Variants in PACSIN2 observed in about 807,000 individuals in gnomAD.
PACSIN2 encodes the protein protein kinase C and casein kinase substrate in neurons protein 2.
PACSIN2 carries 25 observed loss-of-function variants against 63.8 expected under a neutral mutation model. The ratio of observed to expected loss-of-function variants is 0.39; its 90% CI spans 0.29 to 0.55. The LOEUF (loss-of-function observed/expected upper bound fraction) is 0.55, where lower values mean the gene tolerates loss of function less well. Ranked by LOEUF, PACSIN2 falls within the 20% of genes least tolerant of loss-of-function variation. The pLI, the probability that PACSIN2 is intolerant of heterozygous loss-of-function variation, is 0.62. For missense variants in PACSIN2, 518 were observed against 646.9 expected, an observed-to-expected ratio of 0.80 and a Z score of 2.16; for synonymous variants, 255 against 256.2, an observed-to-expected ratio of 1.00 and a Z score of 0.05.
At chr22:42,899,243 C>T (rs1930502281) in intron 2 of PACSIN2, among the ~76,000 whole-genome samples, 1 of 152,184 alleles carries the variant, frequency 6.6e-6, no homozygotes, top group Non-Finnish European at 1.5e-5. Context: ...AAAATGAACG[C>T]GAATACCTTT....
At chr22:42,991,208 T>G (rs1237837393) in intron 1 of PACSIN2, among the ~76,000 whole-genome samples, 1 of 152,166 alleles carries the variant, frequency 6.6e-6, no homozygotes, top group African/African-American at 2.4e-5. Flanking sequence ...AGAGCCACTT[T>G]GTGACTGAAG....
intron 1 of PACSIN2, among the ~76,000 whole-genome samples, chr22:42,923,362 G>C (rs1932319228): frequency 6.6e-6 from 1 of 152,156 alleles, no homozygotes; most frequent in Non-Finnish European, 1.5e-5. Context: ...GGTCCTCCTG[G>C]CCCGCAGGCC....
At chr22:42,915,161 C>A (rs1931729830) in intron 1 of PACSIN2, among the ~76,000 whole-genome samples, 1 of 152,206 alleles carries the variant, frequency 6.6e-6, no homozygotes, top group Non-Finnish European at 1.5e-5. Context: ...AGCCACCACA[C>A]CGGGCCTAAG....
At chr22:42,996,775 G>A (rs1411616600) in intron 1 of PACSIN2, among the ~76,000 whole-genome samples, 1 of 152,150 alleles carries the variant, frequency 6.6e-6, no homozygotes, top group East Asian at 1.9e-4. Flanking sequence ...TTCTGATGGT[G>A]TCCTCAGGCC....
intron 1 of PACSIN2, among the ~76,000 whole-genome samples, chr22:42,989,189 C>G (rs1425017573): frequency 6.6e-6 from 1 of 152,160 alleles, no homozygotes; most frequent in African/African-American, 2.4e-5. Context: ...TAGTTCGTTT[C>G]TTAATACAAT....
rs986402354 is a variant in PACSIN2 at position 42,974,104 on chromosome 22, T to A, written c.-78+40917A>T. ...AGTGGATTACATGAGATAAAGCACCTGGCCTGGTGCCTGGCAGCTCACTGT... is the reference window on the plus strand; with the variant it reads ...AGTGGATTACATGAGATAAAGCACCAGGCCTGGTGCCTGGCAGCTCACTGT... On this transcript the variant is annotated intron_variant, in intron 1 of 10. Coordinates refer to ENST00000263246, the MANE Select transcript of PACSIN2 (RefSeq NM_001184970.3). Among the ~76,000 whole-genome samples the A allele has an allele frequency of 2.6e-5, 4 of 152,216 alleles. No individual in the cohort carries two copies. The South Asian group carries it at 8.3e-4, about 32-fold the overall frequency.
intron 4 of PACSIN2, among the ~76,000 whole-genome samples, chr22:42,889,052 T>G (rs1314138074): frequency 6.6e-6 from 1 of 152,116 alleles, no homozygotes; most frequent in Non-Finnish European, 1.5e-5. Flanking sequence ...TTGTGAAGCT[T>G]TCATTTGAGT....
intron 1 of PACSIN2, among the ~76,000 whole-genome samples, chr22:42,960,442 C>T (rs1231257437): frequency 6.6e-6 from 1 of 152,162 alleles, no homozygotes; most frequent in Non-Finnish European, 1.5e-5. Flanking sequence ...CAGGTGACCC[C>T]ATGGTCTCTC....
At chr22:42,966,625 T>G (rs1920960329) in intron 1 of PACSIN2, among the ~76,000 whole-genome samples, 2 of 152,168 alleles carry the variant, frequency 1.3e-5, no homozygotes, top group African/African-American at 4.8e-5. Flanking sequence ...AGGAAAAACT[T>G]GAAAGCACCA....
At chr22:42,877,191 A>G (rs1928706528) in intron 8 of PACSIN2, among the ~76,000 whole-genome samples, 181 bp from the exon 9 acceptor site, 1 of 152,204 alleles carries the variant, frequency 6.6e-6, no homozygotes, top group South Asian at 2.1e-4. Context: ...GCTGTGAAAC[A>G]CGGTCCAGGA....
chr22:42,889,326 TA>T (rs1164860085), intron 4 of PACSIN2, among the ~76,000 whole-genome samples: 1 of 148,432 alleles, frequency 6.7e-6, no homozygotes, highest in Non-Finnish European at 1.5e-5. Flanking sequence ...AGGACCATAC[TA>T]GGGGGCAGGG....
At chr22:42,951,094 T>C (rs1167260747) in intron 1 of PACSIN2, among the ~76,000 whole-genome samples, 1 of 152,162 alleles carries the variant, frequency 6.6e-6, no homozygotes. Context: ...TATCACTTAA[T>C]TGTTCTGCCA....
chr22:42,889,373 T>TACACACACACATACAC lies in PACSIN2; in HGVS notation c.454-576_454-575insGTGTATGTGTGTGTGT, dbSNP rs68042145. On this transcript the variant is annotated intron_variant, in intron 4 of 10. Coordinates refer to ENST00000263246, the MANE Select transcript of PACSIN2 (RefSeq NM_001184970.3). ...CATTTCCTCTGGTTTTAATGGTTTTTACACACACACACACACACACACACA... is the reference window on the plus strand; with the variant it reads ...CATTTCCTCTGGTTTTAATGGTTTTTACACACACACATACACACACACACACACACACACACACACA... 2.9e-3 allele frequency among the ~76,000 whole-genome samples: 355 copies of TACACACACACATACAC among 122,546 alleles called. 6 individuals are homozygous for TACACACACACATACAC. Among genetic ancestry groups the TACACACACACATACAC allele is most frequent in the African/African-American group, 8.8e-3 (316 of 36,042 alleles). 80.4% of individuals were successfully genotyped at this position (122,546 alleles called of 152,430 possible).
intron 2 of PACSIN2, among the ~76,000 whole-genome samples, chr22:42,908,385 G>C (rs1247052791): frequency 6.6e-6 from 1 of 152,182 alleles, no homozygotes; most frequent in East Asian, 1.9e-4. Flanking sequence ...GAAGGTAAGG[G>C]AGGCCAGGAA....
Position 42,876,890 on chromosome 22 carries a change from T to C in PACSIN2, c.1149A>G (p.Lys383=). ...TVSEKDDTKA[K]NVSSYEKTQS... ...AGAGGAAGCATTTGTTCACCAACTT[T>C]TTGGCCTTAGTGTCGTCCTTCTCAC... The change falls in exon 9 of 11, where the codon AAA becomes AAG. Residue 383 remains lysine, a splice_region_variant and synonymous_variant. Coordinates refer to ENST00000263246, the MANE Select transcript of PACSIN2 (RefSeq NM_001184970.3). 3 of 1,614,140 alleles carry C rather than the reference T, an allele frequency of 1.9e-6. No homozygotes were observed. The South Asian group carries it at 3.3e-5, about 18-fold the overall frequency.
intron 2 of PACSIN2, among the ~76,000 whole-genome samples, chr22:42,893,823 G>A (rs965211267): frequency 6.6e-5 from 10 of 152,112 alleles, no homozygotes; most frequent in Admixed American, 4.6e-4. Context: ...ATCAGTGAAC[G>A]GGGGCTTCTC....
At chr22:42,959,233 T>C (rs1463044256) in intron 1 of PACSIN2, among the ~76,000 whole-genome samples, 1 of 152,182 alleles carries the variant, frequency 6.6e-6, no homozygotes, top group African/African-American at 2.4e-5. Flanking sequence ...AAAGATAATT[T>C]GCTTTCTCTC....
chr22:42,998,054 T>G lies in PACSIN2; in HGVS notation c.-78+16967A>C, dbSNP rs114362032. 8.1e-3 allele frequency among the ~76,000 whole-genome samples: 1,232 copies of G among 152,168 alleles called. 23 individuals carry two copies. Among genetic ancestry groups the G allele is most frequent in the African/African-American group, 0.029 (1,195 of 41,496 alleles). On this transcript the variant is annotated intron_variant, in intron 1 of 10. Transcript: ENST00000263246. ...TTCTCAGGAGCCAGCCCCAAACATA[T>G]CCAAGGGCAGTTACCAGCCTTTAAG...
At chr22:42,969,114 T>C (rs1443643290) in intron 1 of PACSIN2, among the ~76,000 whole-genome samples, 2 of 151,902 alleles carry the variant, frequency 1.3e-5, no homozygotes, top group Admixed American at 6.6e-5. Context: ...TAAGTATACA[T>C]CTAAAGCCTC....
Sources: allele counts gnomAD v4.1 joint callset (sites outside exome capture counted in the v4.1 genomes callset), GRCh38; gene constraint gnomAD v4.1.1; transcripts MANE v1.5; gene names NCBI Gene and HGNC (gene_info 2026-07-23, HGNC 2026-07-21).